NCKAP5: variants seen among roughly 807,000 people sequenced by gnomAD.
NCKAP5 encodes NCK associated protein 5, also known as nck-associated protein 5.
In NCKAP5, 92 loss-of-function variants were observed where a neutral mutation model predicts 167.0. That is an observed-to-expected ratio of 0.55 (90% CI 0.47 to 0.66). NCKAP5 has a LOEUF of 0.66. NCKAP5 is among the 30% of genes least tolerant of loss of function. NCKAP5 has a pLI of 0.00. For missense variants in NCKAP5, 2,378 were observed against 2,315.0 expected, an observed-to-expected ratio of 1.03 and a Z score of -0.56; for synonymous variants, 891 against 877.4, an observed-to-expected ratio of 1.02 and a Z score of -0.27.
Position 133,541,809 on chromosome 2 carries a change from T to A in NCKAP5, c.-62+17241A>T, listed in dbSNP as rs371502786. Among the ~76,000 whole-genome samples, 14 of 151,808 alleles carry A rather than the reference T, an allele frequency of 9.2e-5. No homozygotes were observed. In the East Asian group the frequency reaches 1.9e-3, roughly 21 times the overall value. On this transcript the variant is annotated intron_variant, in intron 2 of 19. Coordinates refer to ENST00000409261, the MANE Select transcript of NCKAP5 (RefSeq NM_207363.3). ...TTTAAGTGTCAGATCTTTCACAAAATAGAGAGGGCTGGGAGCTAGGCTGAG... is the reference window on the plus strand; with the variant it reads ...TTTAAGTGTCAGATCTTTCACAAAAAAGAGAGGGCTGGGAGCTAGGCTGAG...
intron 8 of NCKAP5, among the ~76,000 whole-genome samples, chr2:132,932,342 G>T (rs1489224361): frequency 6.6e-6 from 1 of 151,980 alleles, no homozygotes; most frequent in South Asian, 2.1e-4. Context: ...TTGTGTGTGG[G>T]TGTGTGTATC....
intron 3 of NCKAP5, among the ~76,000 whole-genome samples, chr2:133,417,408 A>G (rs1689186655): frequency 6.6e-6 from 1 of 152,208 alleles, no homozygotes; most frequent in Non-Finnish European, 1.5e-5. Context: ...AAGACTGCGC[A>G]GCCTGGAATC....
In NCKAP5 at chr2:132,732,040, G is replaced by A; in HGVS notation, c.5140C>T (p.Gln1714Ter). ...FQSHIIESNC[Q>*]MRTLDSGIGT... Reference sequence around the variant, plus strand: ...ATCCCACTGTCCAATGTTCTCATCTGGCAGTTGGATTCTGAGATAGAGAGA... The same window carrying A: ...ATCCCACTGTCCAATGTTCTCATCTAGCAGTTGGATTCTGAGATAGAGAGA... The change falls in exon 17 of 20, where the codon CAG becomes TAG. Residue 1714 changes from glutamine (Q) to a stop codon, truncating the protein, a stop_gained. Coordinates refer to ENST00000409261, the MANE Select transcript of NCKAP5 (RefSeq NM_207363.3). LOFTEE classifies it high-confidence loss of function. 1 of 1,610,144 alleles carries A rather than the reference G, an allele frequency of 6.2e-7. No homozygotes were observed. Among genetic ancestry groups the A allele is most frequent in the Non-Finnish European group, 8.5e-7 (1 of 1,177,204 alleles).
At chr2:132,711,141 T>C (rs1256724687) in intron 19 of NCKAP5, among the ~76,000 whole-genome samples, 2 of 152,220 alleles carry the variant, frequency 1.3e-5, no homozygotes, top group Non-Finnish European at 2.9e-5. Flanking sequence ...GGTAGTGTTC[T>C]ACAATAGTAA....
chr2:133,611,318 T>A, the NCKAP5 span, among the ~76,000 whole-genome samples: 1 of 149,444 alleles, frequency 6.7e-6, no homozygotes, highest in Admixed American at 6.7e-5. Flanking sequence ...GGTCTCCTTC[T>A]CCCTTCTTCA....
chr2:133,158,655 A>G (rs1031284069), intron 5 of NCKAP5, among the ~76,000 whole-genome samples: 1 of 152,150 alleles, frequency 6.6e-6, no homozygotes, highest in African/African-American at 2.4e-5. Context: ...TTTATATGTT[A>G]TCTCCACTAC....
chr2:132,781,988 G>A lies in NCKAP5; in HGVS notation c.4823C>T (p.Pro1608Leu). The A allele has an allele frequency of 6.2e-7, 1 of 1,613,954 alleles. No homozygotes were observed. The highest frequency in any genetic ancestry group is 8.5e-7 in the Non-Finnish European group (1 of 1,179,888). The change falls in exon 14 of 20, where the codon CCT (proline) becomes CTT (leucine). Residue 1608 changes from proline (P) to leucine (L), a missense_variant. This residue lies in a region of NCKAP5 where 1,325 missense variants were observed against 1,274.5 expected (regional missense o/e 1.04). Transcript: ENST00000409261. ...LKIEPRNRHS[P>L]VACSTKDTFM... ...GGTGTCTTTCGTTGAACATGCAACA[G>A]GGCTGTGTCTATTCCTTGGTTCAAT...
intron 19 of NCKAP5, among the ~76,000 whole-genome samples, chr2:132,695,698 G>A (rs1457662110): frequency 2.0e-5 from 3 of 152,096 alleles, no homozygotes; most frequent in Non-Finnish European, 4.4e-5. Flanking sequence ...GTAAAATTGT[G>A]CCTGAACTTG....
chr2:133,511,666 T>C (rs537945199), intron 3 of NCKAP5, among the ~76,000 whole-genome samples: 43 of 152,342 alleles, frequency 2.8e-4, no homozygotes, highest in African/African-American at 1.0e-3. Context: ...CATCTTCTGA[T>C]ACCTGGCTCA....
intron 19 of NCKAP5, among the ~76,000 whole-genome samples, chr2:132,687,953 A>C (rs1175736401): frequency 6.6e-6 from 1 of 152,186 alleles, no homozygotes; most frequent in Non-Finnish European, 1.5e-5. Flanking sequence ...TCTGAATGTG[A>C]TTAGCGATTA....
rs770854710 is a variant in NCKAP5, at chr2:132,725,614, C to G, written c.5713+13G>C. On this transcript the variant is annotated intron_variant, in intron 19 of 19. Coordinates refer to ENST00000409261, the MANE Select transcript of NCKAP5 (RefSeq NM_207363.3). ...GAGGAACCTGCAGGGCCAGCAAGTT[C>G]GCTGGTTGTTACCTGGGGCAGCGCT... 2 of 1,601,726 alleles carry G rather than the reference C, an allele frequency of 1.2e-6. No individual in the cohort carries two copies. Among genetic ancestry groups the G allele is most frequent in the Admixed American group, 1.7e-5 (1 of 57,574 alleles).
At position 133,011,163 on chromosome 2, in the gene NCKAP5, A is replaced by G. The variant is rs79706339; in HGVS notation, c.342-16924T>C. ...ACACACAACATTATTTTCTATCTTA[A>G]AGCTGTGCTGCGGGATTTTTAGATC... On this transcript the variant is annotated intron_variant, in intron 6 of 19. Coordinates refer to ENST00000409261, the MANE Select transcript of NCKAP5 (RefSeq NM_207363.3). Among the ~76,000 whole-genome samples the G allele has an allele frequency of 4.1e-4, 62 of 152,312 alleles. 2 individuals are homozygous for G. The East Asian group carries it at 0.012, about 29-fold the overall frequency.
rs1373072583 is a variant in NCKAP5, at chr2:133,466,448, C to T, written c.69+51010G>A. On this transcript the variant is annotated intron_variant, in intron 3 of 19. Coordinates refer to ENST00000409261, the MANE Select transcript of NCKAP5 (RefSeq NM_207363.3). ...TAGTTTGAAGTCAGGTAGTGTGATG[C>T]CTCCAGCTTTGTTCTTTTGGCTTAG... Among the ~76,000 whole-genome samples the T allele has an allele frequency of 3.6e-4, 53 of 148,326 alleles. 1 individual carries two copies. In the Admixed American group the frequency reaches 3.6e-3, roughly 10 times the overall value.
chr2:132,922,422 T>C (rs1443137544), intron 8 of NCKAP5, among the ~76,000 whole-genome samples: 1 of 152,186 alleles, frequency 6.6e-6, no homozygotes, highest in Non-Finnish European at 1.5e-5. Flanking sequence ...AATGTGATCA[T>C]GCAATTCCTC....
intron 8 of NCKAP5, among the ~76,000 whole-genome samples, chr2:132,928,938 C>G (rs1696136918): frequency 6.6e-6 from 1 of 151,686 alleles, no homozygotes; most frequent in African/African-American, 2.4e-5. Context: ...CTGGGAAATA[C>G]AGTGAGACCC....
intron 6 of NCKAP5, among the ~76,000 whole-genome samples, chr2:133,097,864 G>A (rs1305937226): frequency 1.3e-5 from 2 of 152,112 alleles, no homozygotes; most frequent in Non-Finnish European, 2.9e-5. Flanking sequence ...TGTGTTGTTT[G>A]GGATTCCTGA....
intron 5 of NCKAP5, among the ~76,000 whole-genome samples, chr2:133,211,143 C>T (rs1041722546): frequency 2.0e-5 from 3 of 152,146 alleles, no homozygotes; most frequent in African/African-American, 7.2e-5. Flanking sequence ...CCCCCTCCCC[C>T]AGACATCCCC....
chr2:132,850,852 G>A (rs749196823), intron 11 of NCKAP5, among the ~76,000 whole-genome samples: 2 of 152,062 alleles, frequency 1.3e-5, no homozygotes, highest in Non-Finnish European at 2.9e-5. Flanking sequence ...CAACCACAGA[G>A]TATGGCTGGA....
chr2:133,136,186 G>A (rs1202706688), intron 5 of NCKAP5, among the ~76,000 whole-genome samples: 1 of 152,100 alleles, frequency 6.6e-6, no homozygotes, highest in Non-Finnish European at 1.5e-5. Context: ...ATGGCTTGAT[G>A]TATGGTATGA....
Sources: gnomAD v4.1 joint callset for allele counts (sites outside exome capture counted in the v4.1 genomes callset) on GRCh38, gnomAD v4.1.1 for gene constraint, gnomAD v4.1.1 regional missense constraint, MANE v1.5 for transcripts, NCBI Gene and HGNC (gene_info 2026-07-23, HGNC 2026-07-21) for gene names.